The following PHF14 variants were observed in gnomAD, a reference collection of about 807,000 sequenced individuals.
PHF14 encodes the protein PHD finger protein 14.
In PHF14, 55 loss-of-function variants were observed where a neutral mutation model predicts 117.9. The observed-to-expected ratio is 0.47, with a 90% CI of 0.38 to 0.58. The LOEUF (loss-of-function observed/expected upper bound fraction) is 0.58. Ranked by LOEUF, PHF14 falls within the 20% of genes least tolerant of loss-of-function variation. The pLI, the probability that PHF14 is intolerant of heterozygous loss-of-function variation, is 0.00. For missense variants in PHF14, 978 were observed against 1,122.2 expected (o/e 0.87, Z 1.84); for synonymous variants, 409 against 368.6 (o/e 1.11, Z -1.26).
At chr7:11,102,358 A>G (rs750549491) in intron 16 of PHF14, 193 of 922,214 alleles carry the variant, frequency 2.1e-4, no homozygotes, top group East Asian at 9.5e-4. Flanking sequence ...TAGAGTATCT[A>G]TCTCTTTGGA....
At chr7:11,048,712 A>G (rs544372656) in intron 13 of PHF14, among the ~76,000 whole-genome samples, 1 of 152,368 alleles carries the variant, frequency 6.6e-6, no homozygotes, top group African/African-American at 2.4e-5. Context: ...TATTTATAAG[A>G]TGAAGACTAT....
At chr7:11,124,023 C>G (rs925139742) in intron 17 of PHF14, among the ~76,000 whole-genome samples, 2 of 143,800 alleles carry the variant, frequency 1.4e-5, no homozygotes. Context: ...ATACATGCCT[C>G]TCACTGTTTT....
intron 16 of PHF14, among the ~76,000 whole-genome samples, chr7:11,075,668 C>G (rs1387771277): frequency 6.7e-6 from 1 of 149,104 alleles, no homozygotes; most frequent in Non-Finnish European, 1.5e-5. Flanking sequence ...CACTGGAAGT[C>G]ACATTTCAAC....
intron 17 of PHF14, among the ~76,000 whole-genome samples, chr7:11,155,543 C>G (rs1236094306): frequency 6.6e-6 from 1 of 152,184 alleles, no homozygotes; most frequent in Non-Finnish European, 1.5e-5. Context: ...GCTTGACCAA[C>G]TCTTTCTTAT....
At chr7:11,133,163 C>T (rs181171312) in intron 17 of PHF14, among the ~76,000 whole-genome samples, 269 of 151,938 alleles carry the variant, frequency 1.8e-3, no homozygotes, top group African/African-American at 6.2e-3. Context: ...CAATCCCAAT[C>T]GAACTCTCAG....
rs1394515456 is a variant in PHF14 at position 10,982,836 on chromosome 7, G to C, written c.577G>C (p.Asp193His). The change falls in exon 3 of 18, where the codon GAT (aspartate) becomes CAT (histidine). Residue 193 changes from aspartate (D) to histidine (H), a missense_variant. Physicochemically the swap from Asp to His is moderately conservative, Grantham distance 81. This residue lies in a region of PHF14 where 414 missense variants were observed against 376.4 expected (regional missense o/e 1.10). Coordinates refer to ENST00000634607, the MANE Select transcript of PHF14 (RefSeq NM_001007157.2). ...CCTTCGACGAAACCGACCACTTCTGGATTTTGTGTCCATGGAAGAGCTGAA... is the reference window on the plus strand; with the variant it reads ...CCTTCGACGAAACCGACCACTTCTGCATTTTGTGTCCATGGAAGAGCTGAA... Reference protein sequence around the residue: ...WNLRRNRPLLDFVSMEELNDM... With the variant: ...WNLRRNRPLLHFVSMEELNDM... The C allele has an allele frequency of 1.2e-6, 2 of 1,613,864 alleles. No individual in the cohort carries two copies. The highest frequency in any genetic ancestry group is 1.7e-6 in the Non-Finnish European group (2 of 1,179,860).
At chr7:11,078,115 G>C (rs35594158) in intron 16 of PHF14, among the ~76,000 whole-genome samples, 54,614 of 151,918 alleles carry the variant, frequency 0.36, 10,436 homozygotes, top group East Asian at 0.74. Flanking sequence ...CGAAAGAGAA[G>C]AGAAGCTATC....
chr7:11,053,383 T>C (rs1401404417), intron 14 of PHF14, among the ~76,000 whole-genome samples: 1 of 152,078 alleles, frequency 6.6e-6, no homozygotes, highest in Non-Finnish European at 1.5e-5. Flanking sequence ...TTTTTATTTG[T>C]AGTTTCAACT....
At chr7:11,119,203 C>G (rs902271238) in intron 17 of PHF14, among the ~76,000 whole-genome samples, 4 of 151,724 alleles carry the variant, frequency 2.6e-5, no homozygotes, top group African/African-American at 9.7e-5. Flanking sequence ...AGTCGCAAAC[C>G]TCATACTGTC....
intron 3 of PHF14, among the ~76,000 whole-genome samples, chr7:10,983,870 A>T (rs1203692836): frequency 6.6e-6 from 1 of 152,176 alleles, no homozygotes; most frequent in Non-Finnish European, 1.5e-5. Flanking sequence ...TACTACTGAA[A>T]GTTAGGTTTA....
intron 5 of PHF14, among the ~76,000 whole-genome samples, chr7:11,018,488 T>C (rs1359883069): frequency 6.6e-6 from 1 of 152,184 alleles, no homozygotes; most frequent in Non-Finnish European, 1.5e-5. Flanking sequence ...TCCTAGGTAT[T>C]TAATCTTATG....
At chr7:11,062,725 G>T (rs1785271601) in intron 16 of PHF14, 1 of 985,000 alleles carries the variant, frequency 1.0e-6, no homozygotes, top group Admixed American at 6.2e-5. Context: ...TTTCCCAACG[G>T]TCCAGAGGCT....
In PHF14 at chr7:10,974,263, T is replaced by G; in HGVS notation, c.-61T>G. ...CGGCCCCAGTCCCCGACCTCGGCGCTGCCTGGGCTCCTGCAGCCTCTCCCT... is the reference window on the plus strand; with the variant it reads ...CGGCCCCAGTCCCCGACCTCGGCGCGGCCTGGGCTCCTGCAGCCTCTCCCT... On this transcript the variant is annotated 5_prime_UTR_variant, in exon 1 of 18. Transcript: ENST00000634607. The G allele has an allele frequency of 6.7e-7, 1 of 1,496,760 alleles. No homozygotes were observed. The highest frequency in any genetic ancestry group is 9.2e-7 in the Non-Finnish European group (1 of 1,092,698). 92.7% of individuals were successfully genotyped at this position (1,496,760 alleles called of 1,614,324 possible). A position where few individuals can be genotyped will look rare whatever the true frequency, so the allele number is the denominator to read the frequency against.
At chr7:11,103,725 A>C in intron 16 of PHF14, 1 of 984,836 alleles carries the variant, frequency 1.0e-6, no homozygotes, top group Non-Finnish European at 1.2e-6. Flanking sequence ...ATAGATAATC[A>C]AAAGCAATTG....
At chr7:11,113,552 A>G (rs1325129405) in intron 17 of PHF14, among the ~76,000 whole-genome samples, 2 of 152,208 alleles carry the variant, frequency 1.3e-5, no homozygotes, top group Non-Finnish European at 2.9e-5. Context: ...ACTGTAAGGA[A>G]TGAAACAACA....
chr7:10,976,959 A>C (rs186090645), intron 2 of PHF14, among the ~76,000 whole-genome samples: 349 of 151,540 alleles, frequency 2.3e-3, no homozygotes, highest in African/African-American at 7.9e-3. Flanking sequence ...AAGGGAATTT[A>C]GAAGAAAATG....
chr7:11,076,211 T>C (rs1785844636), intron 16 of PHF14, among the ~76,000 whole-genome samples: 1 of 152,232 alleles, frequency 6.6e-6, no homozygotes, highest in African/African-American at 2.4e-5. Flanking sequence ...ACCTCTATAG[T>C]CTCAGCATAA....
intron 17 of PHF14, among the ~76,000 whole-genome samples, chr7:11,144,282 A>G (rs1344976366): frequency 6.6e-6 from 1 of 152,110 alleles, no homozygotes; most frequent in Non-Finnish European, 1.5e-5. Context: ...AAATTCATGC[A>G]GCCATTATGG....
chr7:11,156,178 A>G (rs140788376), intron 17 of PHF14, among the ~76,000 whole-genome samples: 1 of 152,226 alleles, frequency 6.6e-6, no homozygotes, highest in African/African-American at 2.4e-5. Context: ...TAGCTAAGAC[A>G]TAACCAGTAA....
Sources: allele counts gnomAD v4.1 joint callset (sites outside exome capture counted in the v4.1 genomes callset), GRCh38; gene constraint gnomAD v4.1.1; regional missense constraint gnomAD v4.1.1; transcripts MANE v1.5; gene names NCBI Gene and HGNC (gene_info 2026-07-23, HGNC 2026-07-21).